Variants in PIK3R1 observed in about 807,000 individuals in gnomAD.
PIK3R1 encodes phosphoinositide-3-kinase regulatory subunit 1.
Under a neutral mutation model 98.0 loss-of-function variants are expected in PIK3R1, and 29 were observed. That is an observed-to-expected ratio of 0.30 (90% CI 0.22 to 0.40). The LOEUF (loss-of-function observed/expected upper bound fraction) is 0.40. Ranked by LOEUF, PIK3R1 falls within the 10% of genes least tolerant of loss-of-function variation. PIK3R1 has a pLI of 1.00. For missense variants in PIK3R1, 596 were observed against 872.7 expected, an observed-to-expected ratio of 0.68 and a Z score of 3.99; for synonymous variants, 282 against 311.8, an observed-to-expected ratio of 0.90 and a Z score of 1.01.
At chr5:68,259,437 T>C (rs1745652093) in intron 2 of PIK3R1, among the ~76,000 whole-genome samples, 1 of 152,214 alleles carries the variant, frequency 6.6e-6, no homozygotes, top group African/African-American at 2.4e-5. Flanking sequence ...ATCTGCATCT[T>C]TTCTTCCAAA....
rs776598336 is a variant in PIK3R1, at chr5:68,294,592, T to C, written c.1482T>C (p.Phe494=). 21 of 1,611,986 alleles carry C rather than the reference T, an allele frequency of 1.3e-5. No individual in the cohort carries two copies. Among genetic ancestry groups the C allele is most frequent in the Non-Finnish European group, 1.6e-5 (19 of 1,178,740 alleles). The part of the protein sequence containing the change: ...IEAFNETIKI[F]EEQCQTQERY... ...CATTTAATGAAACCATAAAAATATT[T>C]GAAGAACAGTGCCAGACCCAAGAGC... Residue 494 remains phenylalanine, a synonymous_variant, in exon 12 of 16, where the codon TTT becomes TTC. Coordinates refer to ENST00000521381, the MANE Select transcript of PIK3R1 (RefSeq NM_181523.3).
At chr5:68,278,511 A>G (rs1007451791) in intron 4 of PIK3R1, among the ~76,000 whole-genome samples, 1 of 152,158 alleles carries the variant, frequency 6.6e-6, no homozygotes, top group African/African-American at 2.4e-5. Flanking sequence ...AACATTTACT[A>G]TATGACTAAC....
chr5:68,284,670 T>C (rs1487138693), intron 7 of PIK3R1, among the ~76,000 whole-genome samples: 2 of 152,258 alleles, frequency 1.3e-5, no homozygotes, highest in Non-Finnish European at 2.9e-5. Flanking sequence ...CTATAGTTTT[T>C]CCTATTCATC....
chr5:68,288,529 A>AGCCGAGCCG (rs1561293739), intron 7 of PIK3R1: 5 of 1,261,696 alleles, frequency 4.0e-6, no homozygotes, highest in African/African-American at 1.7e-5. Context: ...GAGCCGAGCC[A>AGCCGAGCCG]AGCGGAGCTG....
rs1351787534 is a variant in PIK3R1 at position 68,262,963 on chromosome 5, GTATACATA to G, written c.335-10419_335-10412del. Among the ~76,000 whole-genome samples, 15 of 44,552 alleles carry G rather than the reference GTATACATA, an allele frequency of 3.4e-4. 2 individuals carry two copies. Among genetic ancestry groups the G allele is most frequent in the South Asian group, 8.0e-4 (1 of 1,248 alleles). 29.2% of individuals were successfully genotyped at this position (44,552 alleles called of 152,430 possible). A position where few individuals can be genotyped will look rare whatever the true frequency, so the allele number is the denominator to read the frequency against. On this transcript the variant is annotated intron_variant, in intron 2 of 15. Transcript: ENST00000521381. ...TACATGTAGATACATGTAGATACATGTATACATATATACATGTAGATACATGTAGATAC... is the reference window on the plus strand; with the variant it reads ...TACATGTAGATACATGTAGATACATGTATACATGTAGATACATGTAGATAC...
intron 2 of PIK3R1, among the ~76,000 whole-genome samples, chr5:68,242,376 A>G (rs1302201411): frequency 1.3e-5 from 2 of 152,216 alleles, no homozygotes; most frequent in Non-Finnish European, 2.9e-5. Context: ...CCATAGTCAT[A>G]ATGTATGAAG....
At position 68,227,026 on chromosome 5, in the gene PIK3R1, G is replaced by C. The variant is rs762878442; in HGVS notation, c.334+17G>C. On this transcript the variant is annotated intron_variant, in intron 2 of 15. Coordinates refer to ENST00000521381, the MANE Select transcript of PIK3R1 (RefSeq NM_181523.3). ...AACAACAAGGTCAGTATTGATAAGTGGTTGCTTAATGACTCCCTTTCTTTT... is the reference window on the plus strand; with the variant it reads ...AACAACAAGGTCAGTATTGATAAGTCGTTGCTTAATGACTCCCTTTCTTTT... The C allele has an allele frequency of 3.8e-6, 6 of 1,572,760 alleles. No homozygotes were observed. The highest frequency in any genetic ancestry group is 3.5e-5 in the South Asian group (3 of 85,528).
At position 68,297,847 on chromosome 5, in the gene PIK3R1, A is replaced by ATGTGGTTGTGG. The variant is rs1747818344; in HGVS notation, c.*246_*247insTGTGGTTGTGG. The stretch of plus-strand genomic sequence containing the variant: ...TTCTTTTTCTTTTTTTCTTTGGTTT[A>ATGTGGTTGTGG]ATTTAAAGCCACAACCACATACAAC... On this transcript the variant is annotated 3_prime_UTR_variant, in exon 16 of 16. Transcript: ENST00000521381. 2.9e-6 allele frequency: 1 copy of ATGTGGTTGTGG among 345,588 alleles called. No individual in the cohort carries two copies. Among genetic ancestry groups the ATGTGGTTGTGG allele is most frequent in the South Asian group, 1.0e-4 (1 of 9,800 alleles). 21.4% of individuals were successfully genotyped at this position (345,588 alleles called of 1,614,324 possible). A position where few individuals can be genotyped will look rare whatever the true frequency, so the allele number is the denominator to read the frequency against.
chr5:68,289,364 A>AG (rs1272649995), intron 7 of PIK3R1, among the ~76,000 whole-genome samples: 1 of 152,148 alleles, frequency 6.6e-6, no homozygotes, highest in Non-Finnish European at 1.5e-5. Flanking sequence ...GAATTAAACT[A>AG]GACGGGGGAC....
At chr5:68,216,459 C>T (rs1046612817) in intron 1 of PIK3R1, among the ~76,000 whole-genome samples, 8 of 152,122 alleles carry the variant, frequency 5.3e-5, no homozygotes, top group African/African-American at 1.9e-4. Context: ...GCGGGCGAGG[C>T]GGCGGTGGTC....
At chr5:68,295,356 A>G (rs758569054) in intron 13 of PIK3R1, 32 bp downstream of exon 13, 1 of 1,612,738 alleles carries the variant, frequency 6.2e-7, no homozygotes, top group Non-Finnish European at 8.5e-7. Flanking sequence ...CTATACATGA[A>G]TAATTGGTGA....
chr5:68,262,724 CATATAT>C lies in PIK3R1; in HGVS notation c.335-10664_335-10659del, dbSNP rs1369192245. 5.0e-4 allele frequency among the ~76,000 whole-genome samples: 68 copies of C among 136,902 alleles called. 1 individual carries two copies. Among genetic ancestry groups the C allele is most frequent in the South Asian group, 1.2e-3 (5 of 4,064 alleles). 89.8% of individuals were successfully genotyped at this position (136,902 alleles called of 152,430 possible). A position where few individuals can be genotyped will look rare whatever the true frequency, so the allele number is the denominator to read the frequency against. ...GTAGATGCATGTAGATGCATGTATA[CATATAT>C]ACATGTAGATGCATGTAGATACATG... On this transcript the variant is annotated intron_variant, in intron 2 of 15. Coordinates refer to ENST00000521381, the MANE Select transcript of PIK3R1 (RefSeq NM_181523.3).
chr5:68,288,836 C>T, intron 7 of PIK3R1: 1 of 1,386,268 alleles, frequency 7.2e-7, no homozygotes, highest in South Asian at 1.2e-5. Flanking sequence ...CGTGTGTGTG[C>T]GTGCGCCCCT....
intron 1 of PIK3R1, among the ~76,000 whole-genome samples, chr5:68,219,061 A>T (rs1248927494): frequency 6.6e-6 from 1 of 152,164 alleles, no homozygotes; most frequent in African/African-American, 2.4e-5. Flanking sequence ...CGACCATTTC[A>T]TGTACATTAA....
chr5:68,217,053 T>A (rs970802051), intron 1 of PIK3R1, among the ~76,000 whole-genome samples: 2 of 152,242 alleles, frequency 1.3e-5, no homozygotes, highest in African/African-American at 2.4e-5. Context: ...AGTGTGAGTC[T>A]GCTCTTTATT....
At chr5:68,271,901 T>C (rs746826855) in intron 2 of PIK3R1, among the ~76,000 whole-genome samples, 3 of 152,184 alleles carry the variant, frequency 2.0e-5, no homozygotes, top group South Asian at 2.1e-4. Context: ...TAACATTACT[T>C]TCATAACGTG....
chr5:68,217,111 CTCTT>C (rs1461610817), intron 1 of PIK3R1, among the ~76,000 whole-genome samples: 3 of 151,954 alleles, frequency 2.0e-5, no homozygotes, highest in Non-Finnish European at 4.4e-5. Flanking sequence ...TCTTCTTTTC[CTCTT>C]TGTCAGCCAG....
intron 2 of PIK3R1, among the ~76,000 whole-genome samples, chr5:68,242,476 C>T (rs1260909021): frequency 6.6e-6 from 1 of 152,132 alleles, no homozygotes; most frequent in Non-Finnish European, 1.5e-5. Flanking sequence ...TCCAGTGAGG[C>T]AAGGCAGTAA....
chr5:68,237,158 A>G (rs1256355561), intron 2 of PIK3R1, among the ~76,000 whole-genome samples: 1 of 152,218 alleles, frequency 6.6e-6, no homozygotes, highest in Non-Finnish European at 1.5e-5. Flanking sequence ...TTAAAAGCCA[A>G]AAACTTGAGG....
Sources: allele counts gnomAD v4.1 joint callset (sites outside exome capture counted in the v4.1 genomes callset), GRCh38; gene constraint gnomAD v4.1.1; transcripts MANE v1.5; gene names NCBI Gene and HGNC (gene_info 2026-07-23, HGNC 2026-07-21).